The following DAB1 variants were observed in gnomAD, a reference collection of about 807,000 sequenced individuals.
DAB1 encodes the protein DAB adaptor protein 1, also known as disabled homolog 1.
In DAB1, 15 loss-of-function variants were observed where a neutral mutation model predicts 64.6. That is an observed-to-expected ratio of 0.23 (90% CI 0.16 to 0.36). The LOEUF (loss-of-function observed/expected upper bound fraction) is 0.36, where lower values mean the gene tolerates loss of function less well. Among genes scored for constraint, DAB1 ranks in the 10% least tolerant of loss-of-function variants. The probability of loss-of-function intolerance (pLI) is 1.00; values close to 1 mark genes in which losing one functional copy is unlikely to be tolerated. For missense variants in DAB1, 596 were observed against 706.7 expected (o/e 0.84, Z 1.78); for synonymous variants, 235 against 251.9 (o/e 0.93, Z 0.64).
intron 7 of DAB1, among the ~76,000 whole-genome samples, chr1:57,630,712 G>A (rs1030960957): frequency 6.6e-6 from 1 of 152,292 alleles, no homozygotes; most frequent in South Asian, 2.1e-4. Context: ...GAGGGGTGAT[G>A]ACCAAATTGT....
At chr1:58,068,531 A>G (rs1239029382) in intron 5 of DAB1, among the ~76,000 whole-genome samples, 1 of 151,978 alleles carries the variant, frequency 6.6e-6, no homozygotes, top group African/African-American at 2.4e-5. Flanking sequence ...TTTGGGGGGC[A>G]GAGGCGGGCG....
At chr1:58,200,341 C>A (rs74507768) in intron 4 of DAB1, among the ~76,000 whole-genome samples, 8,322 of 152,260 alleles carry the variant, frequency 0.055, 275 homozygotes, top group African/African-American at 0.084. Context: ...ACTTCTAACT[C>A]CCATGCCATT....
intron 7 of DAB1, among the ~76,000 whole-genome samples, chr1:57,489,327 T>A (rs1335423180): frequency 6.6e-6 from 1 of 152,120 alleles, no homozygotes; most frequent in Non-Finnish European, 1.5e-5. Flanking sequence ...AGAAAGCACA[T>A]CCCTCTGTGG....
intron 1 of DAB1, among the ~76,000 whole-genome samples, chr1:57,366,963 T>A (rs1315547305): frequency 6.6e-6 from 1 of 151,500 alleles, no homozygotes; most frequent in Non-Finnish European, 1.5e-5. Context: ...TCCCGACACT[T>A]TGGGAGGCAG....
intron 2 of DAB1, among the ~76,000 whole-genome samples, chr1:58,522,856 A>T (rs1167484640): frequency 6.6e-6 from 1 of 152,212 alleles, no homozygotes; most frequent in Non-Finnish European, 1.5e-5. Flanking sequence ...GATCATCATA[A>T]ATGTCTCCAT....
chr1:57,905,575 A>C (rs1274936113), intron 5 of DAB1, among the ~76,000 whole-genome samples: 2 of 152,180 alleles, frequency 1.3e-5, no homozygotes, highest in East Asian at 3.9e-4. Flanking sequence ...TCAGAACTGT[A>C]CATTTCAAGA....
At chr1:57,265,431 C>T (rs1352652749) in intron 2 of DAB1, among the ~76,000 whole-genome samples, 1 of 152,188 alleles carries the variant, frequency 6.6e-6, no homozygotes, top group Non-Finnish European at 1.5e-5. Context: ...CTCTTTCCCC[C>T]TCCCTGTTCT....
At chr1:57,583,609 G>A (rs1378198395) in intron 7 of DAB1, among the ~76,000 whole-genome samples, 1 of 152,110 alleles carries the variant, frequency 6.6e-6, no homozygotes, top group Non-Finnish European at 1.5e-5. Flanking sequence ...ATTAAATGAT[G>A]GGATTGGATT....
chr1:58,398,683 G>A (rs748900954), intron 3 of DAB1, among the ~76,000 whole-genome samples: 1 of 152,230 alleles, frequency 6.6e-6, no homozygotes, highest in Non-Finnish European at 1.5e-5. Flanking sequence ...CCAGGTTGCA[G>A]ATGAGGAAAC....
intron 4 of DAB1, among the ~76,000 whole-genome samples, chr1:58,232,498 C>CAG (rs1659827021): frequency 6.7e-6 from 1 of 148,308 alleles, no homozygotes; most frequent in African/African-American, 2.6e-5. Context: ...CACACACACA[C>CAG]ACACACACAC....
chr1:57,279,740 C>T (rs1030752365), intron 2 of DAB1, among the ~76,000 whole-genome samples: 11 of 152,230 alleles, frequency 7.2e-5, no homozygotes, highest in African/African-American at 2.7e-4. Context: ...CAAAATCCTT[C>T]AAGTTCATTT....
At chr1:57,208,676 C>T (rs1665777740) in intron 2 of DAB1, among the ~76,000 whole-genome samples, 1 of 152,142 alleles carries the variant, frequency 6.6e-6, no homozygotes, top group African/African-American at 2.4e-5. Context: ...CTTGAAGGGA[C>T]TTTAGGGCCA....
intron 7 of DAB1, among the ~76,000 whole-genome samples, chr1:57,483,528 T>C (rs1644050177): frequency 6.6e-6 from 1 of 152,236 alleles, no homozygotes; most frequent in Non-Finnish European, 1.5e-5. Flanking sequence ...CTTTATAAAT[T>C]ACCCAGTCTC....
chr1:57,163,861 G>A (rs1489864063), intron 2 of DAB1, among the ~76,000 whole-genome samples: 1 of 152,084 alleles, frequency 6.6e-6, no homozygotes, highest in Non-Finnish European at 1.5e-5. Flanking sequence ...CTAATACAAA[G>A]GCATCAAAAG....
At chr1:57,704,578 C>T (rs908325252) in intron 6 of DAB1, among the ~76,000 whole-genome samples, 3 of 152,100 alleles carry the variant, frequency 2.0e-5, no homozygotes, top group African/African-American at 4.8e-5. Context: ...CTTTCTAAAC[C>T]AGCAGAATTC....
chr1:57,879,478 A>ATAT (rs1490784057), intron 1 of DAB1, among the ~76,000 whole-genome samples: 1 of 152,166 alleles, frequency 6.6e-6, no homozygotes, highest in Non-Finnish European at 1.5e-5. Context: ...ACTCATCCTA[A>ATAT]CAAATACAGT....
intron 9 of DAB1, among the ~76,000 whole-genome samples, chr1:57,036,959 A>G (rs890829645): frequency 1.3e-5 from 2 of 152,210 alleles, no homozygotes; most frequent in African/African-American, 4.8e-5. Flanking sequence ...TTGGGATAAA[A>G]AAAATCTCAC....
chr1:57,949,846 AG>A (rs1645245304), intron 5 of DAB1, among the ~76,000 whole-genome samples: 2 of 152,216 alleles, frequency 1.3e-5, no homozygotes, highest in Admixed American at 6.5e-5. Flanking sequence ...CTAGTGTTTG[AG>A]AACTGCTTGC....
At chr1:57,672,222 T>C (rs1646517706) in intron 6 of DAB1, among the ~76,000 whole-genome samples, 1 of 152,166 alleles carries the variant, frequency 6.6e-6, no homozygotes, top group South Asian at 2.1e-4. Context: ...TGTTGCCTCA[T>C]TAATGTAAAA....
Sources: gnomAD v4.1 joint callset for allele counts (sites outside exome capture counted in the v4.1 genomes callset) on GRCh38, gnomAD v4.1.1 for gene constraint, MANE v1.5 for transcripts, NCBI Gene and HGNC (gene_info 2026-07-23, HGNC 2026-07-21) for gene names.